Variants in MAPKAP1 observed in about 807,000 individuals in gnomAD.
The protein encoded by MAPKAP1 is MAPK associated protein 1.
MAPKAP1 carries 20 observed loss-of-function variants against 65.7 expected under a neutral mutation model. That is an observed-to-expected ratio of 0.30 (90% CI 0.21 to 0.44). MAPKAP1 has a LOEUF of 0.44. Ranked by LOEUF, MAPKAP1 falls within the 20% of genes least tolerant of loss-of-function variation. The probability of loss-of-function intolerance (pLI) is 1.00; values close to 1 mark genes in which losing one functional copy is unlikely to be tolerated. For missense variants in MAPKAP1, 423 were observed against 648.0 expected, an observed-to-expected ratio of 0.65 and a Z score of 3.77; for synonymous variants, 222 against 244.3, an observed-to-expected ratio of 0.91 and a Z score of 0.85.
intron 7 of MAPKAP1, among the ~76,000 whole-genome samples, chr9:125,531,705 A>T (rs1829938417): frequency 6.6e-6 from 1 of 152,190 alleles, no homozygotes; most frequent in Admixed American, 6.5e-5. Flanking sequence ...AAGTTGAAAG[A>T]ACTGAACACT....
intron 5 of MAPKAP1, among the ~76,000 whole-genome samples, chr9:125,560,497 T>C (rs1257936791): frequency 1.3e-5 from 2 of 152,084 alleles, no homozygotes; most frequent in African/African-American, 4.8e-5. Context: ...GGTGAGAGGA[T>C]CACTTGAGCC....
intron 4 of MAPKAP1, among the ~76,000 whole-genome samples, chr9:125,617,436 G>A (rs554173205): frequency 2.0e-5 from 3 of 152,240 alleles, no homozygotes; most frequent in Middle Eastern, 6.8e-3. Context: ...ACTCCAGCCT[G>A]GGCAACAGAG....
intron 7 of MAPKAP1, chr9:125,521,848 AACCTGAGTC>A: frequency 7.7e-7 from 1 of 1,301,906 alleles, no homozygotes; most frequent in Non-Finnish European, 1.1e-6. Context: ...TGGTGACTCC[AACCTGAGTC>A]AGTGGAGAGC....
At chr9:125,702,394 C>T (rs186859364) in intron 1 of MAPKAP1, among the ~76,000 whole-genome samples, 4 of 152,106 alleles carry the variant, frequency 2.6e-5, no homozygotes, top group East Asian at 3.9e-4. Flanking sequence ...ATTAGCCAGG[C>T]GTGGTGGCGC....
At chr9:125,461,705 A>C (rs750361021) in intron 10 of MAPKAP1, among the ~76,000 whole-genome samples, 3 of 152,176 alleles carry the variant, frequency 2.0e-5, no homozygotes, top group Non-Finnish European at 4.4e-5. Context: ...TGTGTTCTGT[A>C]ATCAGGCAGT....
chr9:125,603,869 G>A (rs1172036974), intron 4 of MAPKAP1, among the ~76,000 whole-genome samples: 1 of 152,160 alleles, frequency 6.6e-6, no homozygotes, highest in Non-Finnish European at 1.5e-5. Flanking sequence ...GGTGGGCAAG[G>A]CTTTGGTTTA....
chr9:125,536,161 C>T (rs572326519), intron 7 of MAPKAP1, among the ~76,000 whole-genome samples: 1 of 152,194 alleles, frequency 6.6e-6, no homozygotes, highest in South Asian at 2.1e-4. Flanking sequence ...GACATAAATT[C>T]TCTAAATTTC....
chr9:125,482,698 G>T (rs945235991), intron 9 of MAPKAP1, among the ~76,000 whole-genome samples: 1 of 152,122 alleles, frequency 6.6e-6, no homozygotes, highest in Non-Finnish European at 1.5e-5. Context: ...GGGAAAAAAT[G>T]AGTTTTGTTA....
At chr9:125,566,435 C>T (rs1185785794) in intron 5 of MAPKAP1, among the ~76,000 whole-genome samples, 3 of 152,056 alleles carry the variant, frequency 2.0e-5, no homozygotes, top group African/African-American at 4.8e-5. Context: ...TGTGGTGGCA[C>T]ATGCTTGTAG....
At chr9:125,600,759 G>A (rs1464998077) in intron 4 of MAPKAP1, among the ~76,000 whole-genome samples, 1 of 152,098 alleles carries the variant, frequency 6.6e-6, no homozygotes, top group African/African-American at 2.4e-5. Flanking sequence ...TCTCACACAG[G>A]TATAATCTAG....
In MAPKAP1 at chr9:125,438,542, G is replaced by T; in HGVS notation, c.*345C>A. 4 of 411,822 alleles carry T rather than the reference G, an allele frequency of 9.7e-6. No individual in the cohort carries two copies. In the South Asian group the frequency reaches 4.4e-4, roughly 45 times the overall value. The allele number at this position is 411,822 out of a possible 1,614,324, so 25.5% of individuals were successfully genotyped here. A position where few individuals can be genotyped will look rare whatever the true frequency, so the allele number is the denominator to read the frequency against. On this transcript the variant is annotated 3_prime_UTR_variant, in exon 12 of 12. Transcript: ENST00000265960. ...TTTTGTTGTTTGCTTTAAGAAATTT[G>T]ATCAAGTTGCAAGGAAATGTGTGGG...
At position 125,439,180 on chromosome 9, in the gene MAPKAP1, C is replaced by G. The variant is rs989308547; in HGVS notation, c.1444-168G>C. Among the ~76,000 whole-genome samples the G allele has an allele frequency of 6.6e-6, 1 of 152,164 alleles. No homozygotes were observed. Among genetic ancestry groups the G allele is most frequent in the African/African-American group, 2.4e-5 (1 of 41,438 alleles). ...CACAGCAACCTGGCAGCGGCTGGGC[C>G]CAGAGCCGCTGCTCTACGATGGGAA... On this transcript the variant is annotated intron_variant, in intron 11 of 11. Coordinates refer to ENST00000265960, the MANE Select transcript of MAPKAP1 (RefSeq NM_001006617.3). The surrounding 1 kb of genome is among the most constrained non-coding windows in gnomAD (Gnocchi z 4.0).
At chr9:125,443,959 C>T (rs552910758) in intron 11 of MAPKAP1, among the ~76,000 whole-genome samples, 1 of 152,148 alleles carries the variant, frequency 6.6e-6, no homozygotes, top group African/African-American at 2.4e-5. Context: ...AAAAGCTCTC[C>T]AGGGGCAGGG....
intron 4 of MAPKAP1, among the ~76,000 whole-genome samples, chr9:125,617,484 T>C (rs1438187253): frequency 1.3e-5 from 2 of 152,224 alleles, no homozygotes; most frequent in African/African-American, 4.8e-5. Flanking sequence ...TTTAAAAGTC[T>C]GTAAGTCTCT....
chr9:125,484,115 G>A (rs1455292287), intron 9 of MAPKAP1, among the ~76,000 whole-genome samples: 1 of 152,186 alleles, frequency 6.6e-6, no homozygotes, highest in South Asian at 2.1e-4. Flanking sequence ...GAACAGGCAG[G>A]TGGCACCGTC....
At position 125,677,243 on chromosome 9, in the gene MAPKAP1, G is replaced by A. The variant is rs564995524; in HGVS notation, c.-69-4600C>T. ...CACTTGTGGTCAGGAGTTTGAGACC[G>A]ACCTGGTCAACATGTGAAACCCCAT... On this transcript the variant is annotated intron_variant, in intron 1 of 11. Coordinates refer to ENST00000265960, the MANE Select transcript of MAPKAP1 (RefSeq NM_001006617.3). Among the ~76,000 whole-genome samples, 26 of 151,972 alleles carry A rather than the reference G, an allele frequency of 1.7e-4. 1 individual carries two copies. In the Middle Eastern group the frequency reaches 0.01, roughly 60 times the overall value.
At chr9:125,645,692 G>A (rs1048376528) in intron 4 of MAPKAP1, among the ~76,000 whole-genome samples, 4 of 141,916 alleles carry the variant, frequency 2.8e-5, no homozygotes, top group African/African-American at 5.4e-5. Context: ...AGCCAAGATC[G>A]CACCACTGCA....
At chr9:125,694,977 A>G (rs551951565) in intron 1 of MAPKAP1, among the ~76,000 whole-genome samples, 65 of 152,342 alleles carry the variant, frequency 4.3e-4, no homozygotes, top group Admixed American at 3.0e-3. Flanking sequence ...AGGATAGATA[A>G]ATCTCTGTCA....
chr9:125,467,848 A>T, intron 10 of MAPKAP1, 124 bp downstream of exon 10: 3 of 1,045,866 alleles, frequency 2.9e-6, no homozygotes, highest in Non-Finnish European at 4.2e-6. Context: ...AATTTCTGGT[A>T]ATGAATTAAA....
Sources: allele counts gnomAD v4.1 joint callset (sites outside exome capture counted in the v4.1 genomes callset), GRCh38; gene constraint gnomAD v4.1.1; non-coding constraint Gnocchi (gnomAD v3.1); transcripts MANE v1.5; gene names NCBI Gene and HGNC (gene_info 2026-07-23, HGNC 2026-07-21).